Variants in AOX1 observed in about 807,000 individuals in gnomAD.
AOX1 encodes aldehyde oxidase.
A neutral mutation model predicts 169.5 loss-of-function variants in AOX1; 153 were observed. The ratio of observed to expected loss-of-function variants is 0.90; its 90% CI spans 0.79 to 1.03. The LOEUF (loss-of-function observed/expected upper bound fraction) is 1.03, where lower values mean the gene tolerates loss of function less well. Ranked by LOEUF, AOX1 falls within the 50% of genes least tolerant of loss-of-function variation. The pLI is 0.00. For synonymous variants in AOX1, 562 were observed against 581.9 expected (o/e 0.97, Z 0.49); for missense variants, 1,656 against 1,663.9 (o/e 1.00, Z 0.08).
chr2:200,636,318 G>T (rs374721374), intron 21 of AOX1, among the ~76,000 whole-genome samples: 1 of 151,720 alleles, frequency 6.6e-6, no homozygotes, highest in Non-Finnish European at 1.5e-5. Context: ...TAGTAGAGAT[G>T]GGGTTTCATC....
intron 3 of AOX1, among the ~76,000 whole-genome samples, chr2:200,596,338 G>A (rs1226854318): frequency 6.6e-6 from 1 of 152,212 alleles, no homozygotes; most frequent in Non-Finnish European, 1.5e-5. Flanking sequence ...TCGCAGCCAT[G>A]TTGCTCTGTC....
At position 200,627,442 on chromosome 2, in the gene AOX1, T is replaced by G; in HGVS notation, c.2214T>G (p.Ile738Met). 6.2e-7 allele frequency: 1 copy of G among 1,610,594 alleles called. No homozygotes were observed. Among genetic ancestry groups the G allele is most frequent in the Non-Finnish European group, 8.5e-7 (1 of 1,176,890 alleles). Residue 738 changes from isoleucine (I) to methionine (M), a missense_variant, in exon 20 of 35, where the codon ATT becomes ATG. Transcript: ENST00000374700. The stretch of plus-strand genomic sequence containing the variant: ...AAGCATTTAAAGTGGTTGATCAAAT[T>G]CTTGAAGGTAAAAAGTAATGGAAGA... The part of the protein sequence containing the change: ...VDEAFKVVDQ[I>M]LEGEIHMGGQ...
intron 3 of AOX1, 99 bp from the exon 4 acceptor site, chr2:200,597,277 TAAAACCTGGGTACATTATACA>T: frequency 3.4e-6 from 2 of 595,154 alleles, no homozygotes; most frequent in Non-Finnish European, 5.6e-6. Context: ...AATGTATGTG[TAAAACCTGGGTACATTATACA>T]AAAACCTGCC....
rs201601639 is a variant in AOX1 at position 200,661,629 on chromosome 2, C to G, written c.3426C>G (p.Phe1142Leu). Reference sequence around the variant, plus strand: ...TTAACCTTTCAGCTGTTGGATACTTCAGGTAAATACTCCCTCTGATCACAT... The same window carrying G: ...TTAACCTTTCAGCTGTTGGATACTTGAGGTAAATACTCCCTCTGATCACAT... ...ESINLSAVGY[F>L]RGYESDMNWE... is the part of the protein sequence containing the mutation. Residue 1142 changes from phenylalanine to leucine, a missense_variant and splice_region_variant, in exon 30 of 35, where the codon TTC becomes TTG. Physicochemically the swap from Phe to Leu is conservative, Grantham distance 22 (BLOSUM62 0). Coordinates refer to ENST00000374700, the MANE Select transcript of AOX1 (RefSeq NM_001159.4). 16 of 1,608,866 alleles carry G rather than the reference C, an allele frequency of 9.9e-6. No individual in the cohort carries two copies. The East Asian group carries it at 3.6e-4, about 36-fold the overall frequency.
chr2:200,604,523 G>A (rs1196396241), intron 8 of AOX1, among the ~76,000 whole-genome samples, 173 bp from the exon 9 acceptor site: 1 of 152,148 alleles, frequency 6.6e-6, no homozygotes, highest in African/African-American at 2.4e-5. Context: ...GAACCATCGT[G>A]CTTTTATTCT....
chr2:200,638,395 A>C, intron 23 of AOX1, 93 bp downstream of exon 23: 1 of 1,052,094 alleles, frequency 9.5e-7, no homozygotes, highest in Admixed American at 1.9e-5. Context: ...TCTAGTGGGG[A>C]GTAACAATGA....
intron 30 of AOX1, among the ~76,000 whole-genome samples, chr2:200,661,981 TA>T (rs2035837266): frequency 6.6e-6 from 1 of 152,124 alleles, no homozygotes; most frequent in Non-Finnish European, 1.5e-5. Context: ...GAAACAAAGG[TA>T]GGGGAAAGCA....
intron 1 of AOX1, among the ~76,000 whole-genome samples, chr2:200,586,666 T>G (rs2106360876): frequency 6.6e-6 from 1 of 152,300 alleles, no homozygotes; most frequent in East Asian, 1.9e-4. Context: ...CCCCATCGTT[T>G]CTCAGATGAA....
At chr2:200,657,190 A>ATATATATATATATATATATATTTTT in intron 27 of AOX1, among the ~76,000 whole-genome samples, 8 of 62,872 alleles carry the variant, frequency 1.3e-4, no homozygotes, top group Admixed American at 2.4e-4. Context: ...ATATATATAT[A>ATATATATATATATATATATATTTTT]TTTTTTTTTT....
chr2:200,681,060 G>T (rs147422473), downstream of AOX1, among the ~76,000 whole-genome samples: 1,598 of 152,244 alleles, frequency 0.01, 35 homozygotes, highest in African/African-American at 0.036. Context: ...GAGCAGAATG[G>T]GGAGAGAACA....
chr2:200,606,067 TG>T (rs1398549727), intron 10 of AOX1, among the ~76,000 whole-genome samples: 1 of 152,236 alleles, frequency 6.6e-6, no homozygotes, highest in East Asian at 1.9e-4. Context: ...CCCATGCCTA[TG>T]TCCTGAATGG....
intron 21 of AOX1, 119 bp downstream of exon 21, chr2:200,635,034 C>T: frequency 8.0e-7 from 1 of 1,253,310 alleles, no homozygotes; most frequent in African/African-American, 1.5e-5. Flanking sequence ...ATTGCTTGAA[C>T]CCAGGAGCTC....
At chr2:200,625,240 A>T (rs1178573007) in intron 19 of AOX1, among the ~76,000 whole-genome samples, 1 of 152,072 alleles carries the variant, frequency 6.6e-6, no homozygotes, top group Non-Finnish European at 1.5e-5. Flanking sequence ...CTCTTGCTTC[A>T]TATATTCTGT....
Position 200,620,145 on chromosome 2 carries a change from T to C in AOX1, c.1705-505T>C, listed in dbSNP as rs112573960. ...ACAACATCATGGATTGACATACCAGTTGGCTTATTGAATTACTGTAGTAGG... is the reference window on the plus strand; with the variant it reads ...ACAACATCATGGATTGACATACCAGCTGGCTTATTGAATTACTGTAGTAGG... On this transcript the variant is annotated intron_variant, in intron 16 of 34. Transcript: ENST00000374700. Among the ~76,000 whole-genome samples, 602 of 151,894 alleles carry C rather than the reference T, an allele frequency of 4.0e-3. 8 individuals are homozygous for C. The highest frequency in any genetic ancestry group is 0.014 in the African/African-American group (564 of 41,438).
chr2:200,589,656 T>A (rs989142566), intron 1 of AOX1, among the ~76,000 whole-genome samples: 4 of 152,220 alleles, frequency 2.6e-5, no homozygotes, highest in African/African-American at 9.7e-5. Context: ...AATTGATATG[T>A]GGAAACAATT....
chr2:200,664,004 T>A (rs568737883), intron 31 of AOX1, among the ~76,000 whole-genome samples: 1 of 152,326 alleles, frequency 6.6e-6, no homozygotes, highest in South Asian at 2.1e-4. Flanking sequence ...TCAGACTGGA[T>A]CTCTATAGGG....
chr2:200,635,035 C>T lies in AOX1; in HGVS notation c.2346+120C>T, dbSNP rs1012251537. ...TTTGAGGTGGGGGGATTGCTTGAAC[C>T]CAGGAGCTCAAGGCTTCAGTGATCT... On this transcript the variant is annotated intron_variant, in intron 21 of 34. Transcript: ENST00000374700. 7 of 1,253,962 alleles carry T rather than the reference C, an allele frequency of 5.6e-6. No individual in the cohort carries two copies. The African/African-American group carries it at 9.0e-5, about 16-fold the overall frequency. The allele number at this position is 1,253,962 out of a possible 1,614,324, so 77.7% of individuals were successfully genotyped here.
intron 31 of AOX1, among the ~76,000 whole-genome samples, chr2:200,664,979 G>A (rs1043028465): frequency 2.0e-5 from 3 of 152,174 alleles, no homozygotes; most frequent in Non-Finnish European, 2.9e-5. Flanking sequence ...AAGGCTCAAC[G>A]GGGACAGGAG....
At chr2:200,594,689 A>G (rs566732720) in intron 2 of AOX1, among the ~76,000 whole-genome samples, 2 of 152,332 alleles carry the variant, frequency 1.3e-5, no homozygotes, top group South Asian at 2.1e-4. Flanking sequence ...AGCATTGTTA[A>G]TGACCCCACC....
Sources: gnomAD v4.1 joint callset for allele counts (sites outside exome capture counted in the v4.1 genomes callset) on GRCh38, gnomAD v4.1.1 for gene constraint, MANE v1.5 for transcripts, NCBI Gene and HGNC (gene_info 2026-07-23, HGNC 2026-07-21) for gene names.